Variants in PCDHA8 observed in about 807,000 individuals in gnomAD.
The protein encoded by PCDHA8 is protocadherin alpha-8.
In PCDHA8, 53 loss-of-function variants were observed where a neutral mutation model predicts 61.8. That is an observed-to-expected ratio of 0.86 (90% CI 0.69 to 1.08). The LOEUF (loss-of-function observed/expected upper bound fraction) is 1.08, where lower values mean the gene tolerates loss of function less well. Among genes scored for constraint, PCDHA8 ranks in the 50% least tolerant of loss-of-function variants. The pLI, the probability that PCDHA8 is intolerant of heterozygous loss-of-function variation, is 0.00. For synonymous variants in PCDHA8, 618 were observed against 556.6 expected, an observed-to-expected ratio of 1.11 and a Z score of -1.55; for missense variants, 1,293 against 1,245.0, an observed-to-expected ratio of 1.04 and a Z score of -0.58.
At chr5:140,883,628 G>A (rs903824034) in intron 1 of PCDHA8, 1 of 1,613,884 alleles carries the variant, frequency 6.2e-7, no homozygotes, top group Admixed American at 1.7e-5. Context: ...CAACGCGCCG[G>A]CGTTCGCGCA....
chr5:140,861,466 T>C (rs533343348), intron 1 of PCDHA8: 34 of 493,930 alleles, frequency 6.9e-5, no homozygotes, highest in African/African-American at 6.7e-4. Context: ...GAGGTAAATC[T>C]GCAGAATGGC....
intron 1 of PCDHA8, among the ~76,000 whole-genome samples, chr5:140,959,091 G>A (rs1257984257): frequency 3.3e-5 from 5 of 152,048 alleles, no homozygotes; most frequent in African/African-American, 1.2e-4. Context: ...CTTGGTTTCG[G>A]ACATTCAGCA....
At chr5:140,917,334 G>GGGGGGGGGGGGGGT in intron 1 of PCDHA8, among the ~76,000 whole-genome samples, 1 of 147,630 alleles carries the variant, frequency 6.8e-6, no homozygotes, top group Non-Finnish European at 1.5e-5. Flanking sequence ...CGGGGGAGGG[G>GGGGGGGGGGGGGGT]GGGGATGGTG....
chr5:140,946,216 C>T (rs1361042644), intron 1 of PCDHA8, among the ~76,000 whole-genome samples: 1 of 151,868 alleles, frequency 6.6e-6, no homozygotes, highest in Non-Finnish European at 1.5e-5. Flanking sequence ...AAATGACCAA[C>T]AGGTATACTA....
chr5:140,928,286 G>A (rs140714840), intron 1 of PCDHA8: 12 of 1,614,014 alleles, frequency 7.4e-6, no homozygotes, highest in Non-Finnish European at 9.3e-6. Flanking sequence ...GCCTCTCTAG[G>A]CCGAGTGTTT....
chr5:140,862,466 CA>C, intron 1 of PCDHA8: 1 of 371,398 alleles, frequency 2.7e-6, no homozygotes. Context: ...ACCAAGAGAG[CA>C]AATCTATCCA....
At chr5:140,862,742 T>A (rs2047519053) in intron 1 of PCDHA8, 2 of 577,562 alleles carry the variant, frequency 3.5e-6, no homozygotes, top group East Asian at 4.8e-5. Context: ...TATGTGTGGG[T>A]GCACGCGGAG....
chr5:140,885,566 G>T (rs190303990), intron 1 of PCDHA8, among the ~76,000 whole-genome samples: 3 of 152,162 alleles, frequency 2.0e-5, no homozygotes, highest in South Asian at 4.2e-4. Flanking sequence ...GAAATTGATT[G>T]TCAGATGTGG....
intron 1 of PCDHA8, chr5:140,868,997 G>T: frequency 6.6e-7 from 1 of 1,517,542 alleles, no homozygotes; most frequent in Non-Finnish European, 8.8e-7. Flanking sequence ...ACCGTTTAAG[G>T]ATCCTTTGAA....
At chr5:140,899,032 A>G (rs1377878756) in intron 1 of PCDHA8, among the ~76,000 whole-genome samples, 2 of 151,890 alleles carry the variant, frequency 1.3e-5, no homozygotes, top group African/African-American at 4.8e-5. Context: ...ATTTTTGTAC[A>G]TTGATTTTGT....
chr5:140,850,566 G>GTGAC (rs1554144512), intron 1 of PCDHA8: 1 of 1,598,448 alleles, frequency 6.3e-7, no homozygotes, highest in Admixed American at 1.7e-5. Flanking sequence ...GGGCCCCGAG[G>GTGAC]TGACGCTGGT....
At chr5:140,877,525 G>A (rs1562735759) in intron 1 of PCDHA8, 7 of 1,613,804 alleles carry the variant, frequency 4.3e-6, no homozygotes, top group Non-Finnish European at 5.9e-6. Flanking sequence ...GGCCTCAGTG[G>A]GCGCTGTGGA....
chr5:140,877,401 G>A, intron 1 of PCDHA8: 1 of 1,613,944 alleles, frequency 6.2e-7, no homozygotes. Context: ...CGGACGCTCC[G>A]CGCCACCGCC....
At chr5:140,988,294 G>A (rs2097291713) in intron 3 of PCDHA8, among the ~76,000 whole-genome samples, 1 of 152,206 alleles carries the variant, frequency 6.6e-6, no homozygotes, top group South Asian at 2.1e-4. Context: ...TGACAGCCCA[G>A]GAGTGCCAGC....
chr5:140,883,467 CCTACAAGAA>C (rs1554178369), intron 1 of PCDHA8: 1 of 1,614,170 alleles, frequency 6.2e-7, no homozygotes, highest in East Asian at 2.2e-5. Flanking sequence ...CTGGTGTCCA[CCTACAAGAA>C]CTACTACTCA....
intron 1 of PCDHA8, chr5:140,876,266 A>T: frequency 6.2e-7 from 1 of 1,614,012 alleles, no homozygotes; most frequent in South Asian, 1.1e-5. Context: ...ATCCAACTAA[A>T]TGCTTCCGAT....
At chr5:140,878,103 G>GA (rs748975221) in intron 1 of PCDHA8, 34 of 261,730 alleles carry the variant, frequency 1.3e-4, no homozygotes, top group Non-Finnish European at 2.0e-4. Context: ...GATGAACCTT[G>GA]AAAAAAACAG....
chr5:140,882,406 C>T, intron 1 of PCDHA8: 3 of 1,614,138 alleles, frequency 1.9e-6, no homozygotes, highest in Non-Finnish European at 2.5e-6. Context: ...CCTTCGTGGG[C>T]CGCATCGCTC....
intron 1 of PCDHA8, chr5:140,850,645 T>C: frequency 1.3e-6 from 2 of 1,598,542 alleles, no homozygotes; most frequent in South Asian, 1.1e-5. Context: ...ACGCTGCTGC[T>C]GTACACTGTG....
Sources: gnomAD v4.1 joint callset for allele counts (sites outside exome capture counted in the v4.1 genomes callset) on GRCh38, gnomAD v4.1.1 for gene constraint, MANE v1.5 for transcripts, NCBI Gene and HGNC (gene_info 2026-07-23, HGNC 2026-07-21) for gene names.